ETV3: variants seen among roughly 807,000 people sequenced by gnomAD.
ETV3 encodes the protein ETS translocation variant 3.
In ETV3, 8 loss-of-function variants were observed where a neutral mutation model predicts 33.0. That is an observed-to-expected ratio of 0.24 (90% confidence interval 0.14 to 0.44). The LOEUF (loss-of-function observed/expected upper bound fraction) is 0.44, where lower values mean the gene tolerates loss of function less well. Among genes scored for constraint, ETV3 ranks in the 20% least tolerant of loss-of-function variants. The pLI is 1.00. For synonymous variants in ETV3, 222 were observed against 238.9 expected, an observed-to-expected ratio of 0.93 and a Z score of 0.65; for missense variants, 473 against 652.3, an observed-to-expected ratio of 0.73 and a Z score of 2.99.
At chr1:157,135,732 T>C in intron 2 of ETV3, 24 bp from the exon 3 acceptor site, 1 of 1,611,156 alleles carries the variant, frequency 6.2e-7, no homozygotes, top group Non-Finnish European at 8.5e-7. Flanking sequence ...AGGTCAAGAT[T>C]AAGCTAGTTA....
intron 4 of ETV3, among the ~76,000 whole-genome samples, chr1:157,129,550 T>A (rs1006101422): frequency 6.6e-6 from 1 of 152,012 alleles, no homozygotes; most frequent in African/African-American, 2.4e-5. Flanking sequence ...AATCACAGAC[T>A]GGAAAAAAAA....
chr1:157,138,143 T>C (rs1675168884), intron 1 of ETV3, among the ~76,000 whole-genome samples, 173 bp downstream of exon 1: 1 of 152,118 alleles, frequency 6.6e-6, no homozygotes, highest in African/African-American at 2.4e-5. Context: ...TGGGTCCCTG[T>C]CGCCCCTCAG....
At chr1:157,136,514 C>T in intron 1 of ETV3, 149 bp from the exon 2 acceptor site, 1 of 665,270 alleles carries the variant, frequency 1.5e-6, no homozygotes, top group Non-Finnish European at 2.5e-6. Flanking sequence ...CACCTCCAAA[C>T]TGCTACTCCC....
In ETV3 at chr1:157,127,419, C is replaced by T. The variant is rs144729503; in HGVS notation, c.401-1440G>A. Reference sequence around the variant, plus strand: ...AATTCTACTGAATGATCTCCATCTCCAACCTGCTTTCAAACATTAAGGAGG... The same window carrying T: ...AATTCTACTGAATGATCTCCATCTCTAACCTGCTTTCAAACATTAAGGAGG... On this transcript the variant is annotated intron_variant, in intron 4 of 4. Coordinates refer to ENST00000368192, the MANE Select transcript of ETV3 (RefSeq NM_001145312.3). Among the ~76,000 whole-genome samples, 698 of 152,280 alleles carry T rather than the reference C, an allele frequency of 4.6e-3. 5 individuals are homozygous for T. Among genetic ancestry groups the T allele is most frequent in the African/African-American group, 0.016 (662 of 41,562 alleles).
intron 3 of ETV3, chr1:157,135,199 C>T (rs1675069792): frequency 1.1e-5 from 6 of 567,984 alleles, no homozygotes; most frequent in South Asian, 6.8e-5. Context: ...CATATACTCT[C>T]GCCCACTACA....
In ETV3 at chr1:157,134,233, AAAAC is replaced by A; in HGVS notation, c.285-10_285-7del. 1 of 1,611,376 alleles carries A rather than the reference AAAAC, an allele frequency of 6.2e-7. No homozygotes were observed. The highest frequency in any genetic ancestry group is 1.7e-5 in the Admixed American group (1 of 59,468). ...TCCTCTTGTTGTAATAGTATCTGTA[AAAAC>A]AGGAATACATGTCCATTCGTCTTGT... On this transcript the variant is annotated splice_polypyrimidine_tract_variant and splice_region_variant and intron_variant, in intron 3 of 4. Coordinates refer to ENST00000368192, the MANE Select transcript of ETV3 (RefSeq NM_001145312.3).
chr1:157,124,754 T>TTGGGC lies in ETV3; in HGVS notation c.*86_*87insGCCCA. ...CCTAGAATGATCAAACCAGTTTAAC[T>TTGGGC]CCCTCCCCCCCACCCTGAAATCTTG... On this transcript the variant is annotated 3_prime_UTR_variant, in exon 5 of 5. Transcript: ENST00000368192. 3.0e-6 allele frequency: 1 copy of TTGGGC among 328,824 alleles called. No homozygotes were observed. Among genetic ancestry groups the TTGGGC allele is most frequent in the Non-Finnish European group, 5.9e-6 (1 of 168,370 alleles). 20.4% of individuals were successfully genotyped at this position (328,824 alleles called of 1,614,324 possible). A position where few individuals can be genotyped will look rare whatever the true frequency, so the allele number is the denominator to read the frequency against.
At position 157,125,683 on chromosome 1, in the gene ETV3, G is replaced by A. The variant is rs1674819876; in HGVS notation, c.697C>T (p.Leu233=). The change falls in exon 5 of 5, where the codon CTG becomes TTG. Residue 233 remains leucine (L), a synonymous_variant. Coordinates refer to ENST00000368192, the MANE Select transcript of ETV3 (RefSeq NM_001145312.3). This position sits in a 1 kb window ranked among gnomAD's most constrained non-coding sequence, Gnocchi z 4.0. Reference sequence around the variant, plus strand: ...GGGTACATCCCTGGCCTAGCAAACAGAGGAAGCATTATGTCAGGCTTGCGT... The same window carrying A: ...GGGTACATCCCTGGCCTAGCAAACAAAGGAAGCATTATGTCAGGCTTGCGT... The part of the protein sequence containing the change: ...QKRKPDIMLP[L]FARPGMYPDP... The A allele has an allele frequency of 3.2e-6, 5 of 1,551,708 alleles. No homozygotes were observed. Among genetic ancestry groups the A allele is most frequent in the African/African-American group, 1.4e-5 (1 of 73,150 alleles).
intron 1 of ETV3, among the ~76,000 whole-genome samples, chr1:157,137,372 T>G (rs1240082128): frequency 1.3e-5 from 2 of 152,082 alleles, no homozygotes; most frequent in East Asian, 1.9e-4. Context: ...AAATTTCACC[T>G]AACCTAGGAT....
rs1674794604 is a variant in ETV3 at position 157,125,020 on chromosome 1, T to C, written c.1360A>G (p.Arg454Gly). 1.3e-6 allele frequency: 2 copies of C among 1,551,644 alleles called. No homozygotes were observed. Among genetic ancestry groups the C allele is most frequent in the Non-Finnish European group, 1.7e-6 (2 of 1,146,920 alleles). ...GGTGCACTGGGCTCTTTGCCAGGCC[T>C]ATCCTCACTGTCTTCAGTCACCTCC... ...PLEVTEDSED[R>G]PGKEPSAPEK... Residue 454 changes from arginine to glycine, a missense_variant, in exon 5 of 5, where the codon AGG (arginine) becomes GGG (glycine). Transcript: ENST00000368192. The surrounding 1 kb of genome is among the most constrained non-coding windows in gnomAD (Gnocchi z 4.0).
At position 157,124,813 on chromosome 1, in the gene ETV3, A is replaced by T; in HGVS notation, c.*28T>A. On this transcript the variant is annotated 3_prime_UTR_variant, in exon 5 of 5. Transcript: ENST00000368192. ...ATACATGTATGTATTTGATTATAGTATAAACAGCTCCTAATCCACTTCCAG... is the reference window on the plus strand; with the variant it reads ...ATACATGTATGTATTTGATTATAGTTTAAACAGCTCCTAATCCACTTCCAG... The T allele has an allele frequency of 8.3e-7, 1 of 1,202,202 alleles. No individual in the cohort carries two copies. The highest frequency in any genetic ancestry group is 1.1e-6 in the Non-Finnish European group (1 of 945,534). 74.5% of individuals were successfully genotyped at this position (1,202,202 alleles called of 1,614,324 possible).
chr1:157,137,700 G>C (rs1002229619), intron 1 of ETV3, among the ~76,000 whole-genome samples: 1 of 151,936 alleles, frequency 6.6e-6, no homozygotes, highest in African/African-American at 2.4e-5. Context: ...CTGTCAGATC[G>C]CGAGGCCTTT....
chr1:157,122,543 T>C lies in ETV3; in HGVS notation c.*2298A>G, dbSNP rs1674727833. The stretch of plus-strand genomic sequence containing the variant: ...TTCAAACAGAAGCAGCATCTAGGAA[T>C]TCTGGCACTTGGGTTCTAGGGGGTT... On this transcript the variant is annotated 3_prime_UTR_variant, in exon 5 of 5. Coordinates refer to ENST00000368192, the MANE Select transcript of ETV3 (RefSeq NM_001145312.3). The C allele has an allele frequency of 6.6e-6, 1 of 152,138 alleles. No homozygotes were observed. Among genetic ancestry groups the C allele is most frequent in the Admixed American group, 6.5e-5 (1 of 15,270 alleles). The allele number at this position is 152,138 out of a possible 1,614,324, so 9.4% of individuals were successfully genotyped here. A position where few individuals can be genotyped will look rare whatever the true frequency, so the allele number is the denominator to read the frequency against.
Position 157,125,195 on chromosome 1 carries a change from C to A in ETV3, c.1185G>T (p.Gln395His). The change falls in exon 5 of 5, where the codon CAG (glutamine) becomes CAT (histidine). Residue 395 changes from glutamine (Q) to histidine (H), a missense_variant. Around this residue, in one of 3 missense-constraint regions of ETV3, gnomAD observed 410 missense variants for 520.2 expected, o/e 0.79. Transcript: ENST00000368192. The surrounding 1 kb of genome is among the most constrained non-coding windows in gnomAD (Gnocchi z 4.0). ...ASEKDPESLR[Q>H]SAREKEEHTQ... Reference sequence around the variant, plus strand: ...TGTGCTCCTCCTTCTCTCGTGCCGACTGCCTGAGGCTCTCAGGATCCTTTT... The same window carrying A: ...TGTGCTCCTCCTTCTCTCGTGCCGAATGCCTGAGGCTCTCAGGATCCTTTT... The A allele has an allele frequency of 6.4e-7, 1 of 1,552,230 alleles. No individual in the cohort carries two copies. The highest frequency in any genetic ancestry group is 8.7e-7 in the Non-Finnish European group (1 of 1,147,104).
In ETV3 at chr1:157,125,663, C is replaced by A. The variant is rs2231857; in HGVS notation, c.717G>T (p.Met239Ile). ...IMLPLFARPG[M>I]YPDPHSPFAV... ...CGAAGGGACTGTGGGGGTCAGGGTA[C>A]ATCCCTGGCCTAGCAAACAGAGGAA... Residue 239 changes from methionine (M) to isoleucine (I), a missense_variant, in exon 5 of 5, where the codon ATG (methionine) becomes ATT (isoleucine). Around this residue, in one of 3 missense-constraint regions of ETV3, gnomAD observed 410 missense variants for 520.2 expected, o/e 0.79. Transcript: ENST00000368192. This position sits in a 1 kb window ranked among gnomAD's most constrained non-coding sequence, Gnocchi z 4.0. The A allele has an allele frequency of 3.9e-6, 6 of 1,551,628 alleles. No individual in the cohort carries two copies. The highest frequency in any genetic ancestry group is 5.2e-6 in the Non-Finnish European group (6 of 1,146,970).
At chr1:157,130,291 C>T (rs998668540) in intron 4 of ETV3, among the ~76,000 whole-genome samples, 2 of 152,098 alleles carry the variant, frequency 1.3e-5, no homozygotes, top group African/African-American at 4.8e-5. Context: ...AGAAGCAATA[C>T]TGGGAAGCAT....
chr1:157,133,940 T>TA (rs1385548905), intron 4 of ETV3, 172 bp downstream of exon 4: 1 of 1,440,984 alleles, frequency 6.9e-7, no homozygotes, highest in Non-Finnish European at 9.0e-7. Context: ...GAATAGCCTA[T>TA]AACTCTCCTT....
Position 157,124,852 on chromosome 1 carries a change from C to T in ETV3, c.1528G>A (p.Ala510Thr). The T allele has an allele frequency of 6.5e-7, 1 of 1,532,682 alleles. No individual in the cohort carries two copies. The highest frequency in any genetic ancestry group is 8.8e-7 in the Non-Finnish European group (1 of 1,138,028). The allele number at this position is 1,532,682 out of a possible 1,614,324, so 94.9% of individuals were successfully genotyped here. ...SGPQGLATAA[A>T]DA Reference sequence around the variant, plus strand: ...ATCCACTTCCAGTTCTAAGCATCAGCAGCTGCTGTTGCCAAGCCCTGGGGT... The same window carrying T: ...ATCCACTTCCAGTTCTAAGCATCAGTAGCTGCTGTTGCCAAGCCCTGGGGT... Residue 510 changes from alanine to threonine, a missense_variant, in exon 5 of 5, where the codon GCT (alanine) becomes ACT (threonine). Ala to Thr is a moderately conservative substitution (Grantham distance 58). Coordinates refer to ENST00000368192, the MANE Select transcript of ETV3 (RefSeq NM_001145312.3).
chr1:157,132,747 CT>C (rs67621779), intron 4 of ETV3, among the ~76,000 whole-genome samples: 40,060 of 142,562 alleles, frequency 0.28, 6,604 homozygotes, highest in East Asian at 0.73. Flanking sequence ...TCCAATACCA[CT>C]TTTTTTTTTT....
Sources: gnomAD v4.1 joint callset for allele counts (sites outside exome capture counted in the v4.1 genomes callset) on GRCh38, gnomAD v4.1.1 for gene constraint, gnomAD v4.1.1 regional missense constraint, Gnocchi (gnomAD v3.1) non-coding constraint, MANE v1.5 for transcripts, NCBI Gene and HGNC (gene_info 2026-07-23, HGNC 2026-07-21) for gene names.